The following GRIA4 variants were observed in gnomAD, a reference collection of about 807,000 sequenced individuals.
GRIA4 encodes glutamate receptor 4.
GRIA4 carries 34 observed loss-of-function variants against 104.0 expected under a neutral mutation model. The observed-to-expected ratio is 0.33, with a 90% CI of 0.25 to 0.44. The LOEUF (loss-of-function observed/expected upper bound fraction) is 0.44. GRIA4 is among the 20% of genes least tolerant of loss of function. GRIA4 has a pLI of 1.00. For synonymous variants in GRIA4, 386 were observed against 381.9 expected (o/e 1.01, Z -0.13); for missense variants, 750 against 1,096.5 (o/e 0.68, Z 4.46).
intron 14 of GRIA4, among the ~76,000 whole-genome samples, chr11:105,940,790 A>G (rs1426337136): frequency 6.6e-6 from 1 of 151,564 alleles, no homozygotes; most frequent in Non-Finnish European, 1.5e-5. Context: ...GATAGCATCA[A>G]TCAAGATGGG....
intron 3 of GRIA4, among the ~76,000 whole-genome samples, chr11:105,617,020 T>C (rs1269950642): frequency 6.6e-6 from 1 of 151,064 alleles, no homozygotes. Flanking sequence ...TAAGCTTTCA[T>C]AAAGCTGTCA....
chr11:105,976,018 A>G lies in GRIA4; in HGVS notation c.2544+1574A>G, dbSNP rs1050272654. ...GATAGCAAAACTACAAAGTGGGATA[A>G]TATCAAGGTGTCTTAGCCATTAGAG... On this transcript the variant is annotated intron_variant, in intron 16 of 16. Transcript: ENST00000282499. 1.4e-4 allele frequency among the ~76,000 whole-genome samples: 21 copies of G among 152,108 alleles called. 1 individual carries two copies. The highest frequency in any genetic ancestry group is 3.6e-4 in the African/African-American group (15 of 41,452).
chr11:105,628,833 T>C (rs1950956755), intron 3 of GRIA4, among the ~76,000 whole-genome samples: 1 of 152,148 alleles, frequency 6.6e-6, no homozygotes, highest in East Asian at 1.9e-4. Flanking sequence ...AAATCACAGA[T>C]TAGAAAACAA....
Position 105,937,893 on chromosome 11 carries a change from A to T in GRIA4, c.2294+3924A>T, listed in dbSNP as rs144990111. On this transcript the variant is annotated intron_variant, in intron 14 of 16. Coordinates refer to ENST00000282499, the MANE Select transcript of GRIA4 (RefSeq NM_000829.4). Reference sequence around the variant, plus strand: ...TGCCAAATTGCAGGAACCCATGGCAACAGGAACCGATCCATTGAAACCAAG... The same window carrying T: ...TGCCAAATTGCAGGAACCCATGGCATCAGGAACCGATCCATTGAAACCAAG... Among the ~76,000 whole-genome samples the T allele has an allele frequency of 3.6e-4, 55 of 152,352 alleles. No individual in the cohort carries two copies. In the East Asian group the frequency reaches 7.3e-3, roughly 20 times the overall value.
intron 3 of GRIA4, among the ~76,000 whole-genome samples, chr11:105,742,719 C>A (rs980085763): frequency 3.3e-5 from 5 of 151,992 alleles, no homozygotes; most frequent in African/African-American, 1.2e-4. Flanking sequence ...TTATTGGTAT[C>A]TAACACAGTT....
At chr11:105,854,931 C>T (rs1028436102) in intron 4 of GRIA4, among the ~76,000 whole-genome samples, 1 of 152,108 alleles carries the variant, frequency 6.6e-6, no homozygotes, top group Admixed American at 6.6e-5. Context: ...TATTTCTTCA[C>T]CTTTATGGTG....
intron 4 of GRIA4, among the ~76,000 whole-genome samples, chr11:105,821,224 T>C (rs1413414380): frequency 6.6e-6 from 1 of 152,106 alleles, no homozygotes; most frequent in Non-Finnish European, 1.5e-5. Context: ...AACAACAATA[T>C]AGGAAAACAA....
intron 4 of GRIA4, among the ~76,000 whole-genome samples, chr11:105,855,007 T>C (rs1944959369): frequency 6.6e-6 from 1 of 152,230 alleles, no homozygotes. Flanking sequence ...TAATAAAGCA[T>C]AATGTAGTTT....
chr11:105,661,572 A>G (rs2135412008), intron 3 of GRIA4, among the ~76,000 whole-genome samples: 1 of 151,912 alleles, frequency 6.6e-6, no homozygotes, highest in Non-Finnish European at 1.5e-5. Context: ...ATATTACATA[A>G]GAAAATGTTC....
At chr11:105,804,178 T>G (rs1373006755) in intron 4 of GRIA4, among the ~76,000 whole-genome samples, 1 of 151,926 alleles carries the variant, frequency 6.6e-6, no homozygotes, top group Non-Finnish European at 1.5e-5. Flanking sequence ...AATTGATAGA[T>G]TTACATGATA....
intron 4 of GRIA4, among the ~76,000 whole-genome samples, chr11:105,851,522 C>T (rs1437960310): frequency 6.6e-6 from 1 of 152,130 alleles, no homozygotes; most frequent in Non-Finnish European, 1.5e-5. Flanking sequence ...AAGACAACAA[C>T]CCCACATGGA....
At chr11:105,640,363 C>T (rs1056141172) in intron 3 of GRIA4, among the ~76,000 whole-genome samples, 1 of 151,500 alleles carries the variant, frequency 6.6e-6, no homozygotes, top group Non-Finnish European at 1.5e-5. Context: ...AATTAACATA[C>T]CTGGGGGTAG....
intron 4 of GRIA4, among the ~76,000 whole-genome samples, chr11:105,810,537 CA>C (rs1280511434): frequency 6.6e-6 from 1 of 152,086 alleles, no homozygotes; most frequent in East Asian, 1.9e-4. Flanking sequence ...CTGGAGGCAT[CA>C]GTCCTCAAGA....
At chr11:105,710,778 A>G (rs1953882717) in intron 3 of GRIA4, among the ~76,000 whole-genome samples, 1 of 152,168 alleles carries the variant, frequency 6.6e-6, no homozygotes, top group African/African-American at 2.4e-5. Context: ...AATAAAATTC[A>G]TGGAAAATTA....
intron 5 of GRIA4, among the ~76,000 whole-genome samples, chr11:105,882,410 A>T (rs189770515): frequency 3.7e-4 from 57 of 152,292 alleles, no homozygotes; most frequent in African/African-American, 1.3e-3. Flanking sequence ...AGGACTCCTG[A>T]GTACTTTATA....
At chr11:105,881,644 C>T (rs1358392386) in intron 5 of GRIA4, among the ~76,000 whole-genome samples, 1 of 152,044 alleles carries the variant, frequency 6.6e-6, no homozygotes, top group Non-Finnish European at 1.5e-5. Context: ...AAGAGTTCTT[C>T]CTAATTAGAA....
At chr11:105,734,010 A>ACATATATATGAATT (rs1484289051) in intron 3 of GRIA4, among the ~76,000 whole-genome samples, 2 of 147,434 alleles carry the variant, frequency 1.4e-5, no homozygotes, top group Non-Finnish European at 3.0e-5. Context: ...TATATTATAT[A>ACATATATATGAATT]CATATATATG....
chr11:105,697,864 T>C (rs1044557642), intron 3 of GRIA4, among the ~76,000 whole-genome samples: 1 of 149,596 alleles, frequency 6.7e-6, no homozygotes, highest in Non-Finnish European at 1.5e-5. Flanking sequence ...ATTTGGGCCT[T>C]TCTCTGGAGT....
chr11:105,893,291 T>C (rs1946520440), intron 6 of GRIA4, among the ~76,000 whole-genome samples: 1 of 152,156 alleles, frequency 6.6e-6, no homozygotes, highest in African/African-American at 2.4e-5. Context: ...ATCCACTGTA[T>C]TCTTTGGATA....
Sources: gnomAD v4.1 joint callset for allele counts (sites outside exome capture counted in the v4.1 genomes callset) on GRCh38, gnomAD v4.1.1 for gene constraint, MANE v1.5 for transcripts, NCBI Gene and HGNC (gene_info 2026-07-23, HGNC 2026-07-21) for gene names.